The following COL2A1 variants were observed in gnomAD, a reference collection of about 807,000 sequenced individuals.
The protein encoded by COL2A1 is collagen alpha-1(II) chain.
A neutral mutation model predicts 204.5 loss-of-function variants in COL2A1; 28 were observed. The ratio of observed to expected loss-of-function variants is 0.14; its 90% CI spans 0.10 to 0.19. The LOEUF (loss-of-function observed/expected upper bound fraction) is 0.19. COL2A1 is among the 10% of genes least tolerant of loss of function. COL2A1 has a pLI of 1.00. For synonymous variants in COL2A1, 708 were observed against 718.7 expected (o/e 0.99, Z 0.24); for missense variants, 1,388 against 2,027.5 (o/e 0.68, Z 6.06).
chr12:47,985,303 T>G (rs1939332045), intron 26 of COL2A1, among the ~76,000 whole-genome samples: 1 of 152,110 alleles, frequency 6.6e-6, no homozygotes, highest in Non-Finnish European at 1.5e-5. Flanking sequence ...ACACACGATG[T>G]CATCATTCCC....
Position 48,004,301 on chromosome 12 carries a change from G to T in COL2A1, c.21C>A (p.Pro7=), listed in dbSNP as rs1389110471. MIRLGA[P]QTLVLLTLLV... The stretch of plus-strand genomic sequence containing the variant: ...GCAGCGTCAGCAGCACCAGCGTCTG[G>T]GGAGCCCCGAGGCGAATCATGGCTC... The change falls in exon 1 of 54, where the codon CCC becomes CCA. Residue 7 remains proline, a synonymous_variant. Transcript: ENST00000380518. The T allele has an allele frequency of 8.4e-6, 13 of 1,549,510 alleles. No individual in the cohort carries two copies. Among genetic ancestry groups the T allele is most frequent in the Non-Finnish European group, 1.0e-5 (12 of 1,145,930 alleles).
upstream of COL2A1, chr12:48,005,468 G>C (rs2136656726): frequency 6.6e-6 from 1 of 152,348 alleles, no homozygotes; most frequent in Non-Finnish European, 1.5e-5. Flanking sequence ...TGCGGCCCTG[G>C]CCAGGGATCG....
At chr12:47,975,193 C>A (rs1938639125) in intron 51 of COL2A1, 124 bp downstream of exon 51, 8 of 1,252,432 alleles carry the variant, frequency 6.4e-6, no homozygotes, top group East Asian at 2.5e-5. Context: ...AAGAGAGGAA[C>A]CCTCTGGCGG....
rs201953356 is a variant in COL2A1 at position 47,987,657 on chromosome 12, C to T, written c.1175G>A (p.Arg392His). The T allele has an allele frequency of 3.0e-5, 49 of 1,613,222 alleles. No homozygotes were observed. The highest frequency in any genetic ancestry group is 3.3e-5 in the Admixed American group (2 of 59,914). Residue 392 changes from arginine to histidine, a missense_variant, in exon 19 of 54, where the codon CGC (arginine) becomes CAC (histidine). By Grantham distance (29) the Arg-to-His change is conservative (BLOSUM62 0). This residue lies in a region of COL2A1 where 884 missense variants were observed against 1,415.8 expected (regional missense o/e 0.62). Transcript: ENST00000380518. The surrounding 1 kb of genome is among the most constrained non-coding windows in gnomAD (Gnocchi z 4.1). ...ARGPEGAQGP[R>H]GEPGTPGSPG... ...GGACCCAGGAGTACCAGGTTCACCGCGAGGACCTTGAGCACCTTCAGGACC... is the reference window on the plus strand; with the variant it reads ...GGACCCAGGAGTACCAGGTTCACCGTGAGGACCTTGAGCACCTTCAGGACC...
At chr12:47,991,402 C>T (rs1025886563) in intron 16 of COL2A1, among the ~76,000 whole-genome samples, 2 of 152,202 alleles carry the variant, frequency 1.3e-5, no homozygotes, top group African/African-American at 4.8e-5. Flanking sequence ...ACTAGATCAG[C>T]ACTTGGATCT....
At chr12:48,004,799 C>T (rs1484988863), upstream of COL2A1, among the ~76,000 whole-genome samples, 1 of 152,216 alleles carries the variant, frequency 6.6e-6, no homozygotes, top group Non-Finnish European at 1.5e-5. Flanking sequence ...TCCGGCCCCT[C>T]CCCTCGGAGT....
At position 47,978,176 on chromosome 12, in the gene COL2A1, C is replaced by A; in HGVS notation, c.3004-59G>T. On this transcript the variant is annotated intron_variant, in intron 43 of 53. Coordinates refer to ENST00000380518, the MANE Select transcript of COL2A1 (RefSeq NM_001844.5). This position sits in a 1 kb window ranked among gnomAD's most constrained non-coding sequence, Gnocchi z 5.5. ...GTGGTAAGCACCCCTGCCCAGGGCC[C>A]ACTGACCCTTCAGGGAGAGGGCAGA... 1.9e-6 allele frequency: 3 copies of A among 1,581,770 alleles called. No homozygotes were observed. Among genetic ancestry groups the A allele is most frequent in the Non-Finnish European group, 2.6e-6 (3 of 1,157,186 alleles).
At chr12:47,983,543 G>A in intron 30 of COL2A1, 105 bp from the exon 31 acceptor site, 3 of 1,449,794 alleles carry the variant, frequency 2.1e-6, no homozygotes, top group Non-Finnish European at 2.9e-6. Context: ...CAGCAGCAGT[G>A]ACAGCCAGGG....
chr12:47,986,478 C>G, intron 22 of COL2A1, 35 bp from the exon 23 acceptor site: 1 of 1,370,864 alleles, frequency 7.3e-7, no homozygotes, highest in Non-Finnish European at 1.0e-6. Flanking sequence ...CAGAGTGAGC[C>G]TTCACCTGGC....
At chr12:47,974,534 T>A in intron 52 of COL2A1, 141 bp downstream of exon 52, 1 of 1,244,470 alleles carries the variant, frequency 8.0e-7, no homozygotes, top group Non-Finnish European at 1.2e-6. Flanking sequence ...AAAAATACTT[T>A]TCCTCCTCTT....
intron 28 of COL2A1, 25 bp downstream of exon 28, chr12:47,984,521 A>G: frequency 7.4e-6 from 12 of 1,613,698 alleles, no homozygotes; most frequent in Non-Finnish European, 1.0e-5. Context: ...ACACCAAGTC[A>G]TGGGCAGCGG....
In COL2A1 at chr12:47,974,394, G is replaced by A. The variant is rs1030951383; in HGVS notation, c.4075-63C>T. ...CTGGCATTCAATGGGACCAGGGGCT[G>A]TAGGGGCTGCCAAGAGTTCATGGTT... On this transcript the variant is annotated intron_variant, in intron 52 of 53. Coordinates refer to ENST00000380518, the MANE Select transcript of COL2A1 (RefSeq NM_001844.5). The A allele has an allele frequency of 8.9e-5, 142 of 1,598,610 alleles. 1 individual carries two copies. The Admixed American group carries it at 2.3e-3, about 26-fold the overall frequency.
chr12:47,981,522 T>TGCCAGG, intron 36 of COL2A1, 126 bp from the exon 37 acceptor site: 1 of 948,748 alleles, frequency 1.1e-6, no homozygotes, highest in Non-Finnish European at 1.7e-6. Context: ...GCACAGCCTG[T>TGCCAGG]GTTACTGTGC....
Position 47,978,856 on chromosome 12 carries a change from G to T in COL2A1, c.2734-98C>A. 7.6e-7 allele frequency: 1 copy of T among 1,317,544 alleles called. No homozygotes were observed. The allele number at this position is 1,317,544 out of a possible 1,614,324, so 81.6% of individuals were successfully genotyped here. On this transcript the variant is annotated intron_variant, in intron 41 of 53. Transcript: ENST00000380518. The surrounding 1 kb of genome is among the most constrained non-coding windows in gnomAD (Gnocchi z 5.5). ...CCTCAGTGACAGCAGTTTCCTCTCT[G>T]GGGGCTTCTCTACCTCCCCACACTA...
rs879125410 is a variant in COL2A1 at position 47,983,010 on chromosome 12, C to A, written c.2095-64G>T. ...GTGGGGGAGAAGGTCCAGGGAGAAG[C>A]AGGGAGGTGGGGAAAGGAGCAGGAG... On this transcript the variant is annotated intron_variant, in intron 32 of 53. Transcript: ENST00000380518. 1.9e-6 allele frequency: 3 copies of A among 1,607,148 alleles called. No individual in the cohort carries two copies. In the South Asian group the frequency reaches 3.3e-5, roughly 18 times the overall value.
chr12:47,996,535 T>G lies in COL2A1; in HGVS notation c.609+13A>C. The G allele has an allele frequency of 5.0e-6, 8 of 1,611,672 alleles. No homozygotes were observed. The highest frequency in any genetic ancestry group is 5.9e-6 in the Non-Finnish European group (7 of 1,177,718). Reference sequence around the variant, plus strand: ...TGCCATTTTGGCTGCAAAGAACTAGTGTCTTTTCTTACCATTGGTCCTTGC... The same window carrying G: ...TGCCATTTTGGCTGCAAAGAACTAGGGTCTTTTCTTACCATTGGTCCTTGC... On this transcript the variant is annotated intron_variant, in intron 8 of 53. Coordinates refer to ENST00000380518, the MANE Select transcript of COL2A1 (RefSeq NM_001844.5).
chr12:47,984,550 A>C lies in COL2A1; in HGVS notation c.1883T>G (p.Leu628Arg). The change falls in exon 28 of 54, where the codon CTG (leucine) becomes CGG (arginine). Residue 628 changes from leucine to arginine, a missense_variant. Physicochemically the swap from Leu to Arg is moderately radical, Grantham distance 102. Coordinates refer to ENST00000380518, the MANE Select transcript of COL2A1 (RefSeq NM_001844.5). Reference protein sequence around the residue: ...GEKGLPGAPGLRGLPGKDGET... With the variant: ...GEKGLPGAPGRRGLPGKDGET... ...GCAGCGGGGAAGGATACTTACCCTC[A>C]GACCAGGAGCACCAGGCAGTCCCTT... 6.2e-7 allele frequency: 1 copy of C among 1,614,152 alleles called. No homozygotes were observed. The highest frequency in any genetic ancestry group is 8.5e-7 in the Non-Finnish European group (1 of 1,180,024).
intron 2 of COL2A1, chr12:47,999,700 G>T (rs1592238554): frequency 5.7e-5 from 23 of 400,138 alleles, no homozygotes; most frequent in Non-Finnish European, 8.5e-5. Flanking sequence ...AAATGTTTTT[G>T]GAGATGTTGG....
chr12:48,001,647 A>G (rs933486765), intron 1 of COL2A1, among the ~76,000 whole-genome samples: 2 of 152,206 alleles, frequency 1.3e-5, no homozygotes, highest in African/African-American at 2.4e-5. Flanking sequence ...GGGCGGGGCC[A>G]GGCTGCGCTG....
Sources: gnomAD v4.1 joint callset for allele counts (sites outside exome capture counted in the v4.1 genomes callset) on GRCh38, gnomAD v4.1.1 for gene constraint, gnomAD v4.1.1 regional missense constraint, Gnocchi (gnomAD v3.1) non-coding constraint, MANE v1.5 for transcripts, NCBI Gene and HGNC (gene_info 2026-07-23, HGNC 2026-07-21) for gene names.